Variants in COLEC11 observed in about 807,000 individuals in gnomAD.
COLEC11 encodes the protein collectin subfamily member 11.
Under a neutral mutation model 27.3 loss-of-function variants are expected in COLEC11, and 20 were observed. That is an observed-to-expected ratio of 0.73 (90% CI 0.51 to 1.06). The LOEUF (loss-of-function observed/expected upper bound fraction) is 1.06, where lower values mean the gene tolerates loss of function less well. COLEC11 is among the 50% of genes least tolerant of loss of function. The pLI, the probability that COLEC11 is intolerant of heterozygous loss-of-function variation, is 0.00. For synonymous variants in COLEC11, 163 were observed against 154.7 expected, an observed-to-expected ratio of 1.05 and a Z score of -0.40; for missense variants, 310 against 383.0, an observed-to-expected ratio of 0.81 and a Z score of 1.59.
intron 2 of COLEC11, among the ~76,000 whole-genome samples, chr2:3,606,491 C>T (rs1274548043): frequency 1.3e-5 from 2 of 152,196 alleles, no homozygotes; most frequent in Admixed American, 6.5e-5. Flanking sequence ...CAAGCCTCGG[C>T]CTCCTGGTCC....
chr2:3,625,452 G>A (rs968743751), intron 3 of COLEC11, among the ~76,000 whole-genome samples: 2 of 151,974 alleles, frequency 1.3e-5, no homozygotes, highest in Admixed American at 6.6e-5. Context: ...GAGGCTACTC[G>A]TAATTCAGGG....
At chr2:3,617,561 G>A in intron 3 of COLEC11, 2 of 1,600,190 alleles carry the variant, frequency 1.2e-6, no homozygotes, top group East Asian at 2.2e-5. Context: ...CGATTTGCCT[G>A]CTTGCTTCTC....
intron 3 of COLEC11, among the ~76,000 whole-genome samples, chr2:3,635,769 C>T (rs1027392096): frequency 6.6e-6 from 1 of 152,226 alleles, no homozygotes; most frequent in African/African-American, 2.4e-5. Flanking sequence ...CCTGCATCGT[C>T]CCCCAGGCTG....
intron 3 of COLEC11, among the ~76,000 whole-genome samples, chr2:3,626,930 C>T (rs1664597164): frequency 2.0e-5 from 3 of 152,154 alleles, no homozygotes; most frequent in South Asian, 2.1e-4. Context: ...CCGCCACCAC[C>T]CTCCACACCC....
intron 3 of COLEC11, chr2:3,625,911 G>A (rs535126110): frequency 4.6e-6 from 5 of 1,086,982 alleles, no homozygotes; most frequent in Non-Finnish European, 7.0e-6. Context: ...GGGATTATAG[G>A]CATGAGCCGC....
chr2:3,637,706 C>A, intron 4 of COLEC11, 102 bp downstream of exon 4: 2 of 952,324 alleles, frequency 2.1e-6, no homozygotes, highest in South Asian at 2.7e-5. Context: ...GTCTGGTGCT[C>A]TTATTTATAT....
intron 2 of COLEC11, chr2:3,606,099 G>A: frequency 6.4e-7 from 1 of 1,550,628 alleles, no homozygotes; most frequent in Non-Finnish European, 8.7e-7. Flanking sequence ...GTGGTAGCGT[G>A]TGTGGGTTTG....
chr2:3,595,845 A>G (rs1308266529), intron 1 of COLEC11, among the ~76,000 whole-genome samples: 1 of 152,234 alleles, frequency 6.6e-6, no homozygotes, highest in East Asian at 1.9e-4. Flanking sequence ...GGTCGTTCTC[A>G]ATTTAAAGAT....
intron 3 of COLEC11, among the ~76,000 whole-genome samples, chr2:3,630,264 T>C (rs189335805): frequency 3.1e-4 from 47 of 152,292 alleles, no homozygotes; most frequent in African/African-American, 1.1e-3. Flanking sequence ...TGTACATGCA[T>C]GTATGTGTGT....
At chr2:3,603,465 C>T (rs1479302490) in intron 1 of COLEC11, 5 of 602,014 alleles carry the variant, frequency 8.3e-6, no homozygotes, top group South Asian at 5.4e-5. Flanking sequence ...TAGAGGTGCC[C>T]GCCACCACAC....
At chr2:3,630,947 G>A (rs983567901) in intron 3 of COLEC11, among the ~76,000 whole-genome samples, 1 of 152,156 alleles carries the variant, frequency 6.6e-6, no homozygotes, top group Non-Finnish European at 1.5e-5. Flanking sequence ...TTCGTCTTCT[G>A]TTACAATTTT....
chr2:3,642,927 C>G (rs35107153), intron 5 of COLEC11, among the ~76,000 whole-genome samples: 9,620 of 152,270 alleles, frequency 0.063, 1,007 homozygotes, highest in African/African-American at 0.22. Context: ...CACTCCCCAC[C>G]TGACATGTCA....
chr2:3,627,954 C>G (rs1198466010), intron 3 of COLEC11, among the ~76,000 whole-genome samples: 1 of 152,180 alleles, frequency 6.6e-6, no homozygotes, highest in African/African-American at 2.4e-5. Context: ...TGCTCCCATG[C>G]CAGCCCTGCT....
intron 3 of COLEC11, chr2:3,617,421 G>C (rs889386675): frequency 2.1e-5 from 21 of 1,022,244 alleles, no homozygotes; most frequent in Middle Eastern, 3.1e-4. Context: ...TGATGTGAAA[G>C]GGGCAGCACA....
chr2:3,604,126 T>C, intron 1 of COLEC11, 189 bp from the exon 2 acceptor site: 1 of 655,730 alleles, frequency 1.5e-6, no homozygotes, highest in Non-Finnish European at 2.7e-6. Context: ...ACCCTGGGGC[T>C]GCTGTGGAAG....
intron 3 of COLEC11, among the ~76,000 whole-genome samples, chr2:3,634,139 TC>T (rs1051977824): frequency 6.6e-6 from 1 of 152,108 alleles, no homozygotes; most frequent in Non-Finnish European, 1.5e-5. Flanking sequence ...CACAGTTCCA[TC>T]CACTGCAGGA....
intron 3 of COLEC11, chr2:3,625,901 G>T: frequency 1.0e-6 from 1 of 996,392 alleles, no homozygotes; most frequent in Non-Finnish European, 1.6e-6. Context: ...CCAAAGTGCC[G>T]GGATTATAGG....
intron 4 of COLEC11, among the ~76,000 whole-genome samples, chr2:3,638,779 C>G (rs574128325): frequency 6.6e-6 from 1 of 152,190 alleles, no homozygotes; most frequent in South Asian, 2.1e-4. Context: ...TGGAGGGAGG[C>G]GTGGGCTTCA....
At chr2:3,641,149 G>A (rs13399202) in intron 5 of COLEC11, 21,530 of 1,143,454 alleles carry the variant, frequency 0.019, 1,510 homozygotes, top group African/African-American at 0.18. Context: ...GATCCCATTC[G>A]GAAGGTGCTT....
Sources: gnomAD v4.1 joint callset for allele counts (sites outside exome capture counted in the v4.1 genomes callset) on GRCh38, gnomAD v4.1.1 for gene constraint, MANE v1.5 for transcripts, NCBI Gene and HGNC (gene_info 2026-07-23, HGNC 2026-07-21) for gene names.